The following LRRC57 variants were observed in gnomAD, a reference collection of about 807,000 sequenced individuals.
The protein encoded by LRRC57 is leucine-rich repeat-containing protein 57.
In LRRC57, 14 loss-of-function variants were observed where a neutral mutation model predicts 23.1. The ratio of observed to expected loss-of-function variants is 0.61; its 90% CI spans 0.40 to 0.95. The LOEUF is 0.95. Ranked by LOEUF, LRRC57 falls within the 40% of genes least tolerant of loss-of-function variation. LRRC57 has a pLI of 0.00. For synonymous variants in LRRC57, 106 were observed against 115.2 expected (o/e 0.92, Z 0.51); for missense variants, 236 against 284.4 (o/e 0.83, Z 1.22).
At chr15:42,532,329 C>T in the LRRC57 span, 1 of 152,162 alleles carries the variant, frequency 6.6e-6, no homozygotes, top group Non-Finnish European at 1.5e-5. Flanking sequence ...TCGTGATCCA[C>T]CCGCCTTGGC....
chr15:42,535,446 C>T (rs1566823522), downstream of LRRC57, among the ~76,000 whole-genome samples: 1 of 147,192 alleles, frequency 6.8e-6, no homozygotes, highest in African/African-American at 2.6e-5. Context: ...CCTGTCTTGG[C>T]ATTTTTTTTT....
chr15:42,544,142 A>C lies in LRRC57; in HGVS notation c.679-18T>G. The C allele has an allele frequency of 1.2e-6, 2 of 1,603,230 alleles. No homozygotes were observed. Among genetic ancestry groups the C allele is most frequent in the Non-Finnish European group, 1.7e-6 (2 of 1,173,230 alleles). On this transcript the variant is annotated intron_variant, in intron 5 of 5. Transcript: ENST00000397130. ...TCCATGTACTAAAAAACATGAAAGA[A>C]TACATAAGGGGTATTTTGGCATGAG...
the LRRC57 span, chr15:42,528,336 T>C: frequency 6.2e-7 from 1 of 1,614,162 alleles, no homozygotes; most frequent in Non-Finnish European, 8.5e-7. Context: ...CCTTGCAATG[T>C]AGTATCTAAA....
In LRRC57 at chr15:42,542,890, G is replaced by A. The variant is rs2057637639; in HGVS notation, c.*1193C>T. On this transcript the variant is annotated 3_prime_UTR_variant, in exon 6 of 6. Transcript: ENST00000397130. Reference sequence around the variant, plus strand: ...CACACTTTTTTTTTGTTTCCCCCGAGACAGAGTCTTGCTCTGTTGCCCAGA... The same window carrying A: ...CACACTTTTTTTTTGTTTCCCCCGAAACAGAGTCTTGCTCTGTTGCCCAGA... 1.3e-5 allele frequency: 2 copies of A among 152,436 alleles called. No individual in the cohort carries two copies. Among genetic ancestry groups the A allele is most frequent in the South Asian group, 4.1e-4 (2 of 4,820 alleles). 9.4% of individuals were successfully genotyped at this position (152,436 alleles called of 1,614,324 possible). A position where few individuals can be genotyped will look rare whatever the true frequency, so the allele number is the denominator to read the frequency against.
In LRRC57 at chr15:42,545,259, A is replaced by G. The variant is rs753320567; in HGVS notation, c.496T>C (p.Ser166Pro). 4.0e-5 allele frequency: 62 copies of G among 1,560,868 alleles called. No homozygotes were observed. Among genetic ancestry groups the G allele is most frequent in the Non-Finnish European group, 5.4e-5 (62 of 1,157,710 alleles). The change falls in exon 5 of 6, where the codon TCT (serine) becomes CCT (proline). Residue 166 changes from serine (S) to proline (P), a missense_variant. Ser to Pro is a moderately conservative substitution (Grantham distance 74). Coordinates refer to ENST00000397130, the MANE Select transcript of LRRC57 (RefSeq NM_153260.3). ...CAAGATATCTTCACTGAGATCTGAG[A>G]TATCTATTGAAAAACCACAAAAGAA... is the stretch of plus-strand genomic sequence containing the variant. ...IELNLNQNQI[S>P]QISVKISCCP...
chr15:42,534,213 C>G (rs754296038), downstream of LRRC57, among the ~76,000 whole-genome samples: 1 of 152,206 alleles, frequency 6.6e-6, no homozygotes, highest in Non-Finnish European at 1.5e-5. Flanking sequence ...TCACTGCAAC[C>G]TCCACCTCTC....
At chr15:42,547,669 T>C (rs1595540577) in intron 3 of LRRC57, 140 bp from the exon 4 acceptor site, 7 of 760,934 alleles carry the variant, frequency 9.2e-6, no homozygotes, top group Middle Eastern at 3.8e-4. Context: ...TTTTTAGATA[T>C]TGCATTTTAC....
At position 42,543,936 on chromosome 15, in the gene LRRC57, A is replaced by G. The variant is rs1415496200; in HGVS notation, c.*147T>C. The G allele has an allele frequency of 8.9e-6, 5 of 562,870 alleles. No homozygotes were observed. The highest frequency in any genetic ancestry group is 1.6e-5 in the Non-Finnish European group (5 of 317,698). The allele number at this position is 562,870 out of a possible 1,614,324, so 34.9% of individuals were successfully genotyped here. A position where few individuals can be genotyped will look rare whatever the true frequency, so the allele number is the denominator to read the frequency against. On this transcript the variant is annotated 3_prime_UTR_variant, in exon 6 of 6. Coordinates refer to ENST00000397130, the MANE Select transcript of LRRC57 (RefSeq NM_153260.3). Reference sequence around the variant, plus strand: ...ATTTGAGAAGAGCCCTGAAATGAGAAAAGATCATTGAGTGAAATATAATCT... The same window carrying G: ...ATTTGAGAAGAGCCCTGAAATGAGAGAAGATCATTGAGTGAAATATAATCT...
the LRRC57 span, chr15:42,531,483 AC>A: frequency 3.1e-6 from 5 of 1,594,498 alleles, no homozygotes; most frequent in Non-Finnish European, 1.7e-6. Context: ...AGCTAAAGCT[AC>A]TGCTGTTCTT....
At chr15:42,547,635 T>G (rs1380545191) in intron 3 of LRRC57, 106 bp from the exon 4 acceptor site, 2 of 991,066 alleles carry the variant, frequency 2.0e-6, no homozygotes, top group African/African-American at 3.2e-5. Context: ...CTTGTTAATA[T>G]ATGTAAAACT....
chr15:42,548,619 C>G (rs1028992272), intron 1 of LRRC57, 74 bp downstream of exon 1: 6 of 652,452 alleles, frequency 9.2e-6, no homozygotes, highest in Non-Finnish European at 1.6e-5. Flanking sequence ...CCACCAAGCC[C>G]TGCCGCCTTT....
chr15:42,531,138 C>T, the LRRC57 span, among the ~76,000 whole-genome samples: 1 of 152,112 alleles, frequency 6.6e-6, no homozygotes, highest in East Asian at 1.9e-4. Context: ...CAGGATGCAT[C>T]CCAGTTTCAG....
chr15:42,544,659 C>A (rs2057647357), intron 5 of LRRC57, among the ~76,000 whole-genome samples: 1 of 151,748 alleles, frequency 6.6e-6, no homozygotes, highest in East Asian at 1.9e-4. Flanking sequence ...CCCATCCCTG[C>A]AAAAGTTAGC....
At position 42,548,718 on chromosome 15, in the gene LRRC57, C is replaced by G. The variant is rs1162376815; in HGVS notation, c.-48G>C. ...CTCCCACCGCTCAGCTGCCGTAAGG[C>G]TCCGCAGGTGAAGACCCAGGACCCG... On this transcript the variant is annotated 5_prime_UTR_variant, in exon 1 of 6. Coordinates refer to ENST00000397130, the MANE Select transcript of LRRC57 (RefSeq NM_153260.3). 3.1e-6 allele frequency: 2 copies of G among 640,076 alleles called. No homozygotes were observed. Among genetic ancestry groups the G allele is most frequent in the Non-Finnish European group, 5.4e-6 (2 of 372,608 alleles). 39.6% of individuals were successfully genotyped at this position (640,076 alleles called of 1,614,324 possible).
At chr15:42,537,485 T>C (rs138321017), downstream of LRRC57, among the ~76,000 whole-genome samples, 162 of 152,206 alleles carry the variant, frequency 1.1e-3, 1 homozygote, top group African/African-American at 3.9e-3. Flanking sequence ...TATGGAGATC[T>C]CTCAGAAAAC....
rs1392142915 is a variant in LRRC57, at chr15:42,540,362, A to C, written c.*3721T>G. Reference sequence around the variant, plus strand: ...CTTAATTTAGCATGCATCAAATACTATGTTGAATCTATGCAAATGAAGTTA... The same window carrying C: ...CTTAATTTAGCATGCATCAAATACTCTGTTGAATCTATGCAAATGAAGTTA... On this transcript the variant is annotated 3_prime_UTR_variant, in exon 6 of 6. Coordinates refer to ENST00000397130, the MANE Select transcript of LRRC57 (RefSeq NM_153260.3). The C allele has an allele frequency of 1.3e-5, 2 of 152,196 alleles. No homozygotes were observed. The highest frequency in any genetic ancestry group is 2.9e-5 in the Non-Finnish European group (2 of 68,032). The allele number at this position is 152,196 out of a possible 1,614,324, so 9.4% of individuals were successfully genotyped here. A position where few individuals can be genotyped will look rare whatever the true frequency, so the allele number is the denominator to read the frequency against.
chr15:42,545,038 G>A, intron 5 of LRRC57, 39 bp downstream of exon 5: 1 of 1,415,242 alleles, frequency 7.1e-7, no homozygotes, highest in Non-Finnish European at 9.6e-7. Context: ...GTCTTCTCTG[G>A]GGTAGTGACT....
chr15:42,536,827 C>T (rs553064315), downstream of LRRC57, among the ~76,000 whole-genome samples: 5 of 152,252 alleles, frequency 3.3e-5, no homozygotes, highest in African/African-American at 1.2e-4. Flanking sequence ...AGTTGTGTGG[C>T]CTTGAGCATA....
At chr15:42,529,697 G>C in the LRRC57 span, 2 of 1,613,958 alleles carry the variant, frequency 1.2e-6, no homozygotes, top group Non-Finnish European at 1.7e-6. Flanking sequence ...TGCCAGAGAA[G>C]ATGAAATGGA....
Sources: allele counts gnomAD v4.1 joint callset (sites outside exome capture counted in the v4.1 genomes callset), GRCh38; gene constraint gnomAD v4.1.1; transcripts MANE v1.5; gene names NCBI Gene and HGNC (gene_info 2026-07-23, HGNC 2026-07-21).